FBXO41: variants seen among roughly 807,000 people sequenced by gnomAD.
FBXO41 encodes F-box protein 41, also known as F-box only protein 41.
A neutral mutation model predicts 81.6 loss-of-function variants in FBXO41; 33 were observed. That is an observed-to-expected ratio of 0.40 (90% CI 0.31 to 0.54). FBXO41 has a LOEUF of 0.54. Ranked by LOEUF, FBXO41 falls within the 20% of genes least tolerant of loss-of-function variation. FBXO41 has a pLI of 0.39. For synonymous variants in FBXO41, 576 were observed against 552.7 expected, an observed-to-expected ratio of 1.04 and a Z score of -0.59; for missense variants, 1,107 against 1,236.0, an observed-to-expected ratio of 0.90 and a Z score of 1.56.
chr2:73,264,187 G>A, intron 6 of FBXO41, 91 bp downstream of exon 6: 4 of 1,588,432 alleles, frequency 2.5e-6, no homozygotes, highest in South Asian at 1.1e-5. Flanking sequence ...TGTTGTAAGG[G>A]TTGCAAGGAC....
chr2:73,283,815 T>C, intron 1 of FBXO41, among the ~76,000 whole-genome samples: 1 of 151,526 alleles, frequency 6.6e-6, no homozygotes, highest in East Asian at 1.9e-4. Flanking sequence ...AGGGTTGGGG[T>C]TTCAGGGCGC....
In FBXO41 at chr2:73,265,547, C is replaced by T. The variant is rs1271385938; in HGVS notation, c.1299G>A (p.Glu433=). ...ELPRPEEGAP[E]DSGPGGLGTR... is the part of the protein sequence containing the mutation. ...TGCCCAAGCCCCCAGGGCCACTGTC[C>T]TCAGGGGCCCCCTCCTCTGGCCTGG... Residue 433 remains glutamate, a synonymous_variant, in exon 5 of 13, where the codon GAG becomes GAA. Transcript: ENST00000520530. 1.9e-6 allele frequency: 3 copies of T among 1,586,382 alleles called. No homozygotes were observed. The highest frequency in any genetic ancestry group is 2.6e-6 in the Non-Finnish European group (3 of 1,167,722).
At chr2:73,277,528 C>T (rs1688731835) in intron 1 of FBXO41, among the ~76,000 whole-genome samples, 1 of 152,204 alleles carries the variant, frequency 6.6e-6, no homozygotes, top group African/African-American at 2.4e-5. Flanking sequence ...CTGGCCCTGC[C>T]TCCAGACCTG....
rs758928528 is a variant in FBXO41 at position 73,266,113 on chromosome 2, GGACA to G, written c.1132-151_1132-148del. On this transcript the variant is annotated intron_variant, in intron 3 of 12. Transcript: ENST00000520530. The surrounding 1 kb of genome is among the most constrained non-coding windows in gnomAD (Gnocchi z 5.3). ...AAATAGTTGGGAAAGATGGACAAAT[GGACA>G]GACAGACAGCCCAGAGAGGCAGGCT... 2.3e-4 allele frequency: 182 copies of G among 781,580 alleles called. No homozygotes were observed. The highest frequency in any genetic ancestry group is 3.5e-4 in the Non-Finnish European group (165 of 472,240). 48.4% of individuals were successfully genotyped at this position (781,580 alleles called of 1,614,324 possible).
chr2:73,268,440 G>T (rs1045906510), intron 2 of FBXO41, among the ~76,000 whole-genome samples: 2 of 152,130 alleles, frequency 1.3e-5, no homozygotes, highest in African/African-American at 4.8e-5. Flanking sequence ...CTTTGGCTAG[G>T]CAAAAGAGAA....
In FBXO41 at chr2:73,255,714, C is replaced by G. The variant is rs558078443; in HGVS notation, c.*3268G>C. 11 of 152,746 alleles carry G rather than the reference C, an allele frequency of 7.2e-5. No homozygotes were observed. The highest frequency in any genetic ancestry group is 2.6e-4 in the African/African-American group (11 of 41,548). The allele number at this position is 152,746 out of a possible 1,614,324, so 9.5% of individuals were successfully genotyped here. ...CCGGGTGACTCCCCACTGGTGGCCC[C>G]AAAGATAAGAGACCAGGAGTGGGGA... On this transcript the variant is annotated 3_prime_UTR_variant, in exon 13 of 13. Coordinates refer to ENST00000520530, the MANE Select transcript of FBXO41 (RefSeq NM_001371389.2).
At position 73,263,955 on chromosome 2, in the gene FBXO41, C is replaced by G. The variant is rs1186929595; in HGVS notation, c.1905G>C (p.Glu635Asp). ...GGCCTCACCGGGTGCTCCGGGCATA[C>G]TCCTCCTTGCTCTCCTTCTTTCCCC... ...RQRGKKESKE[E>D]YARSTRGCLE... The change falls in exon 7 of 13, where the codon GAG becomes GAC. Residue 635 changes from glutamate to aspartate, a missense_variant. By Grantham distance (45) the Glu-to-Asp change is conservative (BLOSUM62 2). Transcript: ENST00000520530. The G allele has an allele frequency of 4.3e-6, 7 of 1,609,456 alleles. No individual in the cohort carries two copies. Among genetic ancestry groups the G allele is most frequent in the Non-Finnish European group, 5.9e-6 (7 of 1,177,850 alleles).
rs1214938768 is a variant in FBXO41 at position 73,265,461 on chromosome 2, A to G, written c.1385T>C (p.Leu462Pro). 6.2e-7 allele frequency: 1 copy of G among 1,605,366 alleles called. No individual in the cohort carries two copies. Among genetic ancestry groups the G allele is most frequent in the East Asian group, 2.2e-5 (1 of 44,840 alleles). The change falls in exon 5 of 13, where the codon CTG (leucine) becomes CCG (proline). Residue 462 changes from leucine (L) to proline (P), a missense_variant. Leu to Pro is a moderately conservative substitution (Grantham distance 98). Transcript: ENST00000520530. Reference sequence around the variant, plus strand: ...CCAGTTCTGGATGGCCTGGCGCCGCAGGCCTGAGCTGCGAGGGGGCTGGGA... The same window carrying G: ...CCAGTTCTGGATGGCCTGGCGCCGCGGGCCTGAGCTGCGAGGGGGCTGGGA... ...ERSQPPRSSG[L>P]RRQAIQNWQR... is the part of the protein sequence containing the mutation.
chr2:73,261,439 C>T (rs1283594236), intron 9 of FBXO41, among the ~76,000 whole-genome samples: 1 of 152,176 alleles, frequency 6.6e-6, no homozygotes, highest in East Asian at 1.9e-4. Context: ...TCATCCTCCA[C>T]ACTGCAGATA....
At chr2:73,281,502 T>C (rs113632861) in intron 1 of FBXO41, among the ~76,000 whole-genome samples, 1,619 of 152,296 alleles carry the variant, frequency 0.011, 25 homozygotes, top group African/African-American at 0.037. Flanking sequence ...AACTGGACAT[T>C]TGCAAGCCTG....
intron 1 of FBXO41, among the ~76,000 whole-genome samples, chr2:73,273,309 A>C (rs992770768): frequency 2.0e-5 from 3 of 151,660 alleles, no homozygotes; most frequent in African/African-American, 7.2e-5. Flanking sequence ...ATAAACAGGA[A>C]AATATTTTTT....
intron 8 of FBXO41, 22 bp downstream of exon 8, chr2:73,263,656 T>C: frequency 2.5e-6 from 4 of 1,612,074 alleles, no homozygotes; most frequent in East Asian, 2.2e-5. Context: ...GAACAGGCCA[T>C]GCTTCTAGTC....
Position 73,269,512 on chromosome 2 carries a change from A to T in FBXO41, c.119T>A (p.Ile40Asn). Residue 40 changes from isoleucine to asparagine, a missense_variant, in exon 2 of 13, where the codon ATC becomes AAC. Transcript: ENST00000520530. The surrounding 1 kb of genome is among the most constrained non-coding windows in gnomAD (Gnocchi z 7.0). ...GCAGATGCTGTTGGTCTTGGAGAGG[A>T]TGTAGAGCGTCTCGTAGGTGTGGCT... Reference protein sequence around the residue: ...EYSHTYETLYILSKTNSICDG... With the variant: ...EYSHTYETLYNLSKTNSICDG... 1 of 1,362,682 alleles carries T rather than the reference A, an allele frequency of 7.3e-7. No homozygotes were observed. The highest frequency in any genetic ancestry group is 9.5e-7 in the Non-Finnish European group (1 of 1,048,308). The allele number at this position is 1,362,682 out of a possible 1,614,324, so 84.4% of individuals were successfully genotyped here.
Position 73,260,740 on chromosome 2 carries a change from C to T in FBXO41, c.2290G>A (p.Ala764Thr), listed in dbSNP as rs1350770240. 4 of 1,544,370 alleles carry T rather than the reference C, an allele frequency of 2.6e-6. No homozygotes were observed. The highest frequency in any genetic ancestry group is 2.6e-6 in the Non-Finnish European group (3 of 1,141,718). Residue 764 changes from alanine to threonine, a missense_variant and splice_region_variant, in exon 10 of 13, where the codon GCG (alanine) becomes ACG (threonine). This residue lies in a region of FBXO41 where 336 missense variants were observed against 446.7 expected (regional missense o/e 0.75). Coordinates refer to ENST00000520530, the MANE Select transcript of FBXO41 (RefSeq NM_001371389.2). The surrounding 1 kb of genome is among the most constrained non-coding windows in gnomAD (Gnocchi z 5.0). ...CACCCCAGTCCAAGGAAAGACTCAC[C>T]GAGTGATGCCAGGCCCTGCACCCCA... ...GCGVQGLASL[A>T]RNCMRLQVLE...
intron 1 of FBXO41, among the ~76,000 whole-genome samples, chr2:73,282,035 T>A (rs1688863245): frequency 6.6e-6 from 1 of 152,152 alleles, no homozygotes; most frequent in Non-Finnish European, 1.5e-5. Context: ...GCTCTTGTTG[T>A]CCAGGCTGGA....
At chr2:73,271,742 T>A (rs909448589) in intron 1 of FBXO41, among the ~76,000 whole-genome samples, 28 of 152,008 alleles carry the variant, frequency 1.8e-4, no homozygotes, top group African/African-American at 6.8e-4. Context: ...GCGATTCTCC[T>A]GCCTCAGCCT....
Position 73,269,424 on chromosome 2 carries a change from C to T in FBXO41, c.207G>A (p.Glu69=). 3 of 1,371,638 alleles carry T rather than the reference C, an allele frequency of 2.2e-6. No individual in the cohort carries two copies. Among genetic ancestry groups the T allele is most frequent in the Non-Finnish European group, 2.8e-6 (3 of 1,066,880 alleles). 85.0% of individuals were successfully genotyped at this position (1,371,638 alleles called of 1,614,324 possible). A position where few individuals can be genotyped will look rare whatever the true frequency, so the allele number is the denominator to read the frequency against. Residue 69 remains glutamate (E), a synonymous_variant, in exon 2 of 13, where the codon GAG becomes GAA. Coordinates refer to ENST00000520530, the MANE Select transcript of FBXO41 (RefSeq NM_001371389.2). The surrounding 1 kb of genome is among the most constrained non-coding windows in gnomAD (Gnocchi z 7.0). ...CGGGCACGGCCAGCAGGGCGGCGGGCTCGGGAGCCAGCGGGAACCCCGAGG... is the reference window on the plus strand; with the variant it reads ...CGGGCACGGCCAGCAGGGCGGCGGGTTCGGGAGCCAGCGGGAACCCCGAGG... ...AAASGFPLAP[E]PAALLAVPGA...
In FBXO41 at chr2:73,259,662, G is replaced by C. The variant is rs1259244867; in HGVS notation, c.2450-366C>G. 6.6e-6 allele frequency among the ~76,000 whole-genome samples: 1 copy of C among 152,112 alleles called. No homozygotes were observed. The highest frequency in any genetic ancestry group is 1.9e-4 in the East Asian group (1 of 5,194). ...GGATCCAGGCTGAAGCACAAAGGAG[G>C]GGGAGGTGGGGCAAATACTTGGGGA... On this transcript the variant is annotated intron_variant, in intron 11 of 12. Transcript: ENST00000520530. The surrounding 1 kb of genome is among the most constrained non-coding windows in gnomAD (Gnocchi z 4.2).
At position 73,257,051 on chromosome 2, in the gene FBXO41, A is replaced by G; in HGVS notation, c.*1931T>C. The G allele has an allele frequency of 6.5e-6, 1 of 153,122 alleles. No individual in the cohort carries two copies. The allele number at this position is 153,122 out of a possible 1,614,324, so 9.5% of individuals were successfully genotyped here. ...TTGGCAAGGCAGGACCAAGAAATCCAAGGCAGCCAGGCCCTTACTGGACCT... is the reference window on the plus strand; with the variant it reads ...TTGGCAAGGCAGGACCAAGAAATCCGAGGCAGCCAGGCCCTTACTGGACCT... On this transcript the variant is annotated 3_prime_UTR_variant, in exon 13 of 13. Transcript: ENST00000520530. The surrounding 1 kb of genome is among the most constrained non-coding windows in gnomAD (Gnocchi z 4.6).
Sources: allele counts gnomAD v4.1 joint callset (sites outside exome capture counted in the v4.1 genomes callset), GRCh38; gene constraint gnomAD v4.1.1; regional missense constraint gnomAD v4.1.1; non-coding constraint Gnocchi (gnomAD v3.1); transcripts MANE v1.5; gene names NCBI Gene and HGNC (gene_info 2026-07-23, HGNC 2026-07-21).